Variants in CCDC171 observed in about 807,000 individuals in gnomAD.
CCDC171 encodes the protein coiled-coil domain-containing protein 171.
Under a neutral mutation model 168.2 loss-of-function variants are expected in CCDC171, and 177 were observed. The ratio of observed to expected loss-of-function variants is 1.05; its 90% CI spans 0.93 to 1.19. The LOEUF (loss-of-function observed/expected upper bound fraction) is 1.19. Among genes scored for constraint, CCDC171 ranks in the 50% most tolerant of loss-of-function variants. The pLI is 0.00. For synonymous variants in CCDC171, 687 were observed against 540.8 expected, an observed-to-expected ratio of 1.27 and a Z score of -3.75; for missense variants, 1,991 against 1,539.0, an observed-to-expected ratio of 1.29 and a Z score of -4.91.
At chr9:15,994,606 T>C in intron 3 of CCDC171, among the ~76,000 whole-genome samples, 1 of 152,052 alleles carries the variant, frequency 6.6e-6, no homozygotes, top group East Asian at 1.9e-4. Context: ...TTCTCTTAGA[T>C]TTTATAAATG....
chr9:15,693,370 G>T (rs2050968216), intron 10 of CCDC171, among the ~76,000 whole-genome samples: 1 of 151,978 alleles, frequency 6.6e-6, no homozygotes, highest in South Asian at 2.1e-4. Flanking sequence ...AATCCTAATT[G>T]ATTTTTCTGT....
intron 18 of CCDC171, among the ~76,000 whole-genome samples, chr9:15,748,675 T>A (rs946936525): frequency 7.9e-5 from 12 of 152,208 alleles, no homozygotes; most frequent in African/African-American, 2.9e-4. Flanking sequence ...TATTCAACAT[T>A]CTTAAAGAAA....
At chr9:15,570,441 G>T (rs2040135220) in intron 2 of CCDC171, among the ~76,000 whole-genome samples, 1 of 151,690 alleles carries the variant, frequency 6.6e-6, no homozygotes, top group South Asian at 2.1e-4. Context: ...TTCAAGGCAT[G>T]CTTCTTTTCT....
chr9:15,890,151 A>G (rs1437919391), intron 24 of CCDC171, among the ~76,000 whole-genome samples: 2 of 151,504 alleles, frequency 1.3e-5, no homozygotes, highest in African/African-American at 4.9e-5. Context: ...CTGGGACACA[A>G]AGGTAACTCA....
At chr9:15,583,977 C>T (rs1219014462) in intron 4 of CCDC171, among the ~76,000 whole-genome samples, 1 of 152,138 alleles carries the variant, frequency 6.6e-6, no homozygotes, top group Non-Finnish European at 1.5e-5. Flanking sequence ...AAGCAATTCT[C>T]TGCCTCAGCC....
chr9:15,662,615 A>T (rs1393332156), intron 8 of CCDC171, among the ~76,000 whole-genome samples: 1 of 152,096 alleles, frequency 6.6e-6, no homozygotes, highest in Non-Finnish European at 1.5e-5. Flanking sequence ...TAGTTTCATT[A>T]TTGTATGTAT....
intron 25 of CCDC171, among the ~76,000 whole-genome samples, chr9:15,951,165 A>G (rs1829112116): frequency 6.6e-6 from 1 of 150,664 alleles, no homozygotes; most frequent in Admixed American, 6.7e-5. Context: ...ACTCCTACAC[A>G]TTAATAATGG....
At chr9:15,854,133 T>C (rs150273077) in intron 23 of CCDC171, among the ~76,000 whole-genome samples, 1 of 150,716 alleles carries the variant, frequency 6.6e-6, no homozygotes, top group Non-Finnish European at 1.5e-5. Context: ...GGTTAGGAGA[T>C]GCTCCCTTCT....
In CCDC171 at chr9:15,777,699, C is replaced by T; in HGVS notation, c.2771C>T (p.Pro924Leu). Residue 924 changes from proline to leucine, a missense_variant, in exon 19 of 26, where the codon CCT (proline) becomes CTT (leucine). By Grantham distance (98) the Pro-to-Leu change is moderately conservative (BLOSUM62 -3). Transcript: ENST00000380701. The part of the protein sequence containing the change: ...DKISLVMECI[P>L]LHSSRSITYV... ...ATTAGTCTGGTAATGGAATGTATAC[C>T]TCTGCACAGTAGCAGGAGTATTACA... is the stretch of plus-strand genomic sequence containing the variant. 6.2e-7 allele frequency: 1 copy of T among 1,613,756 alleles called. No individual in the cohort carries two copies. The highest frequency in any genetic ancestry group is 8.5e-7 in the Non-Finnish European group (1 of 1,179,752).
chr9:15,811,406 TTTTTTTTC>T (rs2059350224), intron 21 of CCDC171, among the ~76,000 whole-genome samples: 1 of 151,932 alleles, frequency 6.6e-6, no homozygotes, highest in Admixed American at 6.5e-5. Context: ...AAGGCTTGGG[TTTTTTTTC>T]TTTTTTTCCC....
At chr9:15,653,338 C>T (rs921410488) in intron 7 of CCDC171, among the ~76,000 whole-genome samples, 3 of 151,586 alleles carry the variant, frequency 2.0e-5, no homozygotes, top group Non-Finnish European at 2.9e-5. Context: ...ATTGGTGCTT[C>T]ACCATGTTGC....
chr9:15,785,549 T>G (rs2057903134), intron 21 of CCDC171, among the ~76,000 whole-genome samples: 1 of 152,052 alleles, frequency 6.6e-6, no homozygotes. Context: ...AAAACACTTA[T>G]GTACTCCTCA....
intron 7 of CCDC171, among the ~76,000 whole-genome samples, chr9:15,652,126 G>A (rs1234763268): frequency 6.6e-6 from 1 of 152,022 alleles, no homozygotes; most frequent in East Asian, 1.9e-4. Context: ...AGACTATAAA[G>A]ATTTACCCCT....
intron 21 of CCDC171, among the ~76,000 whole-genome samples, chr9:15,793,066 A>G (rs2058352221): frequency 6.6e-6 from 1 of 152,198 alleles, no homozygotes; most frequent in Non-Finnish European, 1.5e-5. Context: ...AGTGTGCTGT[A>G]TTCAGGAAAC....
rs1206037833 is a variant in CCDC171 at position 15,818,747 on chromosome 9, G to A, written c.3268-27955G>A. Reference sequence around the variant, plus strand: ...GTACCTGAAAGTGACAGGGAGAATGGAACCAAGTTGGAAAACACTCTGCAG... The same window carrying A: ...GTACCTGAAAGTGACAGGGAGAATGAAACCAAGTTGGAAAACACTCTGCAG... On this transcript the variant is annotated intron_variant, in intron 21 of 25. Transcript: ENST00000380701. Among the ~76,000 whole-genome samples, 2 of 117,924 alleles carry A rather than the reference G, an allele frequency of 1.7e-5. 1 individual carries two copies. The highest frequency in any genetic ancestry group is 6.4e-5 in the African/African-American group (2 of 31,326). 77.4% of individuals were successfully genotyped at this position (117,924 alleles called of 152,430 possible). A position where few individuals can be genotyped will look rare whatever the true frequency, so the allele number is the denominator to read the frequency against.
intron 25 of CCDC171, among the ~76,000 whole-genome samples, chr9:15,951,730 G>A (rs528739073): frequency 6.6e-6 from 1 of 152,120 alleles, no homozygotes; most frequent in Admixed American, 6.6e-5. Context: ...TTGTCATTGA[G>A]TTTTAGAAGT....
At chr9:15,590,771 C>T (rs867201635) in intron 4 of CCDC171, among the ~76,000 whole-genome samples, 15 of 122,612 alleles carry the variant, frequency 1.2e-4, no homozygotes, top group Middle Eastern at 8.3e-3. Context: ...TTCTTTCTTT[C>T]TCTTTCTTTC....
intron 21 of CCDC171, among the ~76,000 whole-genome samples, chr9:15,793,412 G>A (rs904029666): frequency 2.0e-5 from 3 of 152,074 alleles, no homozygotes; most frequent in African/African-American, 7.3e-5. Flanking sequence ...TTAGATCAAT[G>A]AGACAGAAAG....
chr9:15,650,464 G>T (rs2047426864), intron 7 of CCDC171, among the ~76,000 whole-genome samples: 1 of 152,028 alleles, frequency 6.6e-6, no homozygotes, highest in Non-Finnish European at 1.5e-5. Context: ...CATGTTTTTA[G>T]TTTTCATTTC....
Sources: allele counts gnomAD v4.1 joint callset (sites outside exome capture counted in the v4.1 genomes callset), GRCh38; gene constraint gnomAD v4.1.1; transcripts MANE v1.5; gene names NCBI Gene and HGNC (gene_info 2026-07-23, HGNC 2026-07-21).